The following ABCA12 variants were observed in gnomAD, a reference collection of about 807,000 sequenced individuals.
ABCA12 encodes glucosylceramide transporter ABCA12.
A neutral mutation model predicts 293.5 loss-of-function variants in ABCA12; 156 were observed. The ratio of observed to expected loss-of-function variants is 0.53; its 90% CI spans 0.47 to 0.61. The LOEUF (loss-of-function observed/expected upper bound fraction) is 0.61, where lower values mean the gene tolerates loss of function less well. Ranked by LOEUF, ABCA12 falls within the 20% of genes least tolerant of loss-of-function variation. The pLI, the probability that ABCA12 is intolerant of heterozygous loss-of-function variation, is 0.00. For synonymous variants in ABCA12, 1,063 were observed against 1,108.0 expected (o/e 0.96, Z 0.81); for missense variants, 2,797 against 3,090.2 (o/e 0.91, Z 2.25).
At chr2:215,071,919 G>A (rs1008881053) in intron 2 of ABCA12, among the ~76,000 whole-genome samples, 1 of 152,144 alleles carries the variant, frequency 6.6e-6, no homozygotes, top group Admixed American at 6.5e-5. Context: ...TGTATCAACC[G>A]CTGTAGTGTT....
At chr2:214,995,433 CTG>C (rs1700012104) in intron 23 of ABCA12, among the ~76,000 whole-genome samples, 2 of 152,254 alleles carry the variant, frequency 1.3e-5, no homozygotes, top group Admixed American at 1.3e-4. Context: ...CCTTAGAAGT[CTG>C]TGTTACTAAA....
chr2:214,944,931 C>T (rs1297925605), intron 49 of ABCA12, 70 bp downstream of exon 49: 8 of 1,187,220 alleles, frequency 6.7e-6, no homozygotes, highest in Middle Eastern at 2.5e-4. Context: ...TTATGTTATA[C>T]AGGATTACCT....
intron 3 of ABCA12, among the ~76,000 whole-genome samples, chr2:215,060,883 G>A (rs1050896802): frequency 6.6e-6 from 1 of 152,058 alleles, no homozygotes; most frequent in Non-Finnish European, 1.5e-5. Context: ...AGGAGCAGAG[G>A]TACGAATTTA....
intron 24 of ABCA12, among the ~76,000 whole-genome samples, chr2:214,990,501 T>A (rs1019004984): frequency 1.3e-5 from 2 of 152,210 alleles, no homozygotes; most frequent in African/African-American, 4.8e-5. Flanking sequence ...GTATCACATA[T>A]CATGGTTTTG....
intron 5 of ABCA12, 68 bp downstream of exon 5, chr2:215,052,419 G>C: frequency 1.5e-6 from 2 of 1,299,166 alleles, no homozygotes; most frequent in Non-Finnish European, 2.2e-6. Context: ...CTATTTGAGA[G>C]ATCCTTCTAT....
chr2:214,980,820 C>T (rs559471009), intron 30 of ABCA12, among the ~76,000 whole-genome samples, 177 bp from the exon 31 acceptor site: 3 of 152,150 alleles, frequency 2.0e-5, no homozygotes, highest in East Asian at 1.9e-4. Flanking sequence ...AATTCAGGGC[C>T]AGGCTCACTG....
At chr2:215,077,269 A>T (rs1407863310) in intron 2 of ABCA12, among the ~76,000 whole-genome samples, 2 of 152,216 alleles carry the variant, frequency 1.3e-5, no homozygotes, top group African/African-American at 4.8e-5. Context: ...ATAATGATGT[A>T]TTGGAATTGC....
intron 1 of ABCA12, among the ~76,000 whole-genome samples, chr2:215,115,893 T>A (rs1156641411): frequency 6.6e-6 from 1 of 152,090 alleles, no homozygotes; most frequent in Non-Finnish European, 1.5e-5. Flanking sequence ...ATGTGGGATG[T>A]CAGAGACCAA....
chr2:214,983,554 T>C, intron 29 of ABCA12, 93 bp downstream of exon 29: 1 of 1,066,808 alleles, frequency 9.4e-7, no homozygotes, highest in Non-Finnish European at 1.4e-6. Flanking sequence ...AGAAAATATT[T>C]CCTATTGGTA....
At chr2:214,959,677 A>G (rs1032359558) in intron 39 of ABCA12, among the ~76,000 whole-genome samples, 7 of 152,154 alleles carry the variant, frequency 4.6e-5, no homozygotes, top group Non-Finnish European at 7.4e-5. Flanking sequence ...ATTGAGACAT[A>G]AATATCCAAG....
At chr2:214,966,552 G>A (rs116141499) in intron 39 of ABCA12, among the ~76,000 whole-genome samples, 2,281 of 152,162 alleles carry the variant, frequency 0.015, 66 homozygotes, top group African/African-American at 0.051. Context: ...CAAGCACGTC[G>A]TTTAAAAATA....
At chr2:215,033,681 C>T (rs762908984) in intron 8 of ABCA12, among the ~76,000 whole-genome samples, 2 of 152,178 alleles carry the variant, frequency 1.3e-5, no homozygotes, top group African/African-American at 2.4e-5. Context: ...GTGGCTCATG[C>T]CTGTAATCCC....
chr2:214,968,935 A>T, intron 37 of ABCA12, 128 bp from the exon 38 acceptor site: 1 of 715,128 alleles, frequency 1.4e-6, no homozygotes, highest in South Asian at 1.6e-5. Context: ...TAAAATGAAT[A>T]CTTCCTGACA....
chr2:215,004,030 A>C lies in ABCA12; in HGVS notation c.2683+179T>G, dbSNP rs1465425504. 2.0e-5 allele frequency among the ~76,000 whole-genome samples: 3 copies of C among 152,152 alleles called. No individual in the cohort carries two copies. In the East Asian group the frequency reaches 5.8e-4, roughly 29 times the overall value. The stretch of plus-strand genomic sequence containing the variant: ...CATCCAAATAATCATGACTACTTGT[A>C]ATTGTACAACTAACTGGGAAGAAGA... On this transcript the variant is annotated intron_variant, in intron 20 of 52. Coordinates refer to ENST00000272895, the MANE Select transcript of ABCA12 (RefSeq NM_173076.3).
chr2:215,095,792 T>C (rs773729890), intron 2 of ABCA12, among the ~76,000 whole-genome samples: 3 of 152,118 alleles, frequency 2.0e-5, no homozygotes, highest in Non-Finnish European at 4.4e-5. Context: ...GTGAAATTTC[T>C]TCTCCTAGCT....
chr2:215,025,745 A>G lies in ABCA12; in HGVS notation c.1215T>C (p.Phe405=). The G allele has an allele frequency of 6.2e-7, 1 of 1,612,814 alleles. No homozygotes were observed. Reference sequence around the variant, plus strand: ...AACCATTGCGAAGAAAAGATTTTTTAAATCGTATTGTGGACTGCAGGAGTC... The same window carrying G: ...AACCATTGCGAAGAAAAGATTTTTTGAATCGTATTGTGGACTGCAGGAGTC... ...NLRLLQSTIR[F]KKSFLRNGSY... is the part of the protein sequence containing the mutation. The change falls in exon 11 of 53, where the codon TTT becomes TTC. Residue 405 remains phenylalanine, a synonymous_variant. Coordinates refer to ENST00000272895, the MANE Select transcript of ABCA12 (RefSeq NM_173076.3).
intron 2 of ABCA12, chr2:215,075,490 C>T (rs1335408274): frequency 1.5e-6 from 1 of 678,624 alleles, no homozygotes; most frequent in Non-Finnish European, 2.6e-6. Flanking sequence ...TCCTCTTAAT[C>T]CTAGCTTTGC....
At chr2:215,106,446 G>A (rs748698373) in intron 2 of ABCA12, among the ~76,000 whole-genome samples, 1 of 152,138 alleles carries the variant, frequency 6.6e-6, no homozygotes, top group African/African-American at 2.4e-5. Flanking sequence ...GACCGCCATC[G>A]GTGACACCCA....
intron 3 of ABCA12, among the ~76,000 whole-genome samples, chr2:215,055,915 A>G (rs1256860772): frequency 3.3e-5 from 5 of 152,200 alleles, no homozygotes; most frequent in African/African-American, 1.2e-4. Flanking sequence ...TGACCTGAAC[A>G]TTTTCCCTTT....
Sources: allele counts gnomAD v4.1 joint callset (sites outside exome capture counted in the v4.1 genomes callset), GRCh38; gene constraint gnomAD v4.1.1; transcripts MANE v1.5; gene names NCBI Gene and HGNC (gene_info 2026-07-23, HGNC 2026-07-21).